The following NCAPH variants were observed in gnomAD, a reference collection of about 807,000 sequenced individuals.
NCAPH encodes the protein condensin complex subunit 2.
A neutral mutation model predicts 85.5 loss-of-function variants in NCAPH; 38 were observed. The ratio of observed to expected loss-of-function variants is 0.44; its 90% confidence interval spans 0.34 to 0.58. The LOEUF (loss-of-function observed/expected upper bound fraction) is 0.58. Ranked by LOEUF, NCAPH falls within the 20% of genes least tolerant of loss-of-function variation. The pLI, the probability that NCAPH is intolerant of heterozygous loss-of-function variation, is 0.01. For missense variants in NCAPH, 789 were observed against 916.6 expected, an observed-to-expected ratio of 0.86 and a Z score of 1.80; for synonymous variants, 301 against 335.1, an observed-to-expected ratio of 0.90 and a Z score of 1.11.
chr2:96,349,656 T>C (rs980389876), intron 6 of NCAPH, among the ~76,000 whole-genome samples: 18 of 152,216 alleles, frequency 1.2e-4, no homozygotes, highest in South Asian at 8.3e-4. Flanking sequence ...CACTTGGGAT[T>C]ACAGGTGTAA....
At chr2:96,360,053 G>A in intron 10 of NCAPH, 90 bp from the exon 11 acceptor site, 3 of 763,606 alleles carry the variant, frequency 3.9e-6, no homozygotes, top group Non-Finnish European at 6.8e-6. Context: ...GTTTTGATAA[G>A]CCTTGATAAG....
At chr2:96,359,992 G>C in intron 10 of NCAPH, 151 bp from the exon 11 acceptor site, 1 of 568,270 alleles carries the variant, frequency 1.8e-6, no homozygotes, top group Non-Finnish European at 3.2e-6. Flanking sequence ...AAGAGGGTGT[G>C]TGATTGAGCA....
Position 96,353,417 on chromosome 2 carries a change from G to A in NCAPH, c.1002+20G>A. The A allele has an allele frequency of 6.2e-7, 1 of 1,604,752 alleles. No homozygotes were observed. Among genetic ancestry groups the A allele is most frequent in the Non-Finnish European group, 8.5e-7 (1 of 1,171,516 alleles). On this transcript the variant is annotated intron_variant, in intron 8 of 17. Coordinates refer to ENST00000240423, the MANE Select transcript of NCAPH (RefSeq NM_015341.5). ...AATGAGGTGTGGTCAAGTTTTAGTG[G>A]CTCATGGTTTCAGTTAGTTGGCTCA...
chr2:96,358,972 C>G lies in NCAPH; in HGVS notation c.1209-73C>G. The G allele has an allele frequency of 4.2e-6, 6 of 1,415,736 alleles. 1 individual carries two copies. In the South Asian group the frequency reaches 8.3e-5, roughly 20 times the overall value. The allele number at this position is 1,415,736 out of a possible 1,614,324, so 87.7% of individuals were successfully genotyped here. A position where few individuals can be genotyped will look rare whatever the true frequency, so the allele number is the denominator to read the frequency against. On this transcript the variant is annotated intron_variant, in intron 9 of 17. Coordinates refer to ENST00000240423, the MANE Select transcript of NCAPH (RefSeq NM_015341.5). ...GACTCACAGAAATGCAGCTCATTTG[C>G]GGACATATGCTTCATATGTAAATAC...
chr2:96,347,066 G>A (rs2064371461), intron 6 of NCAPH, among the ~76,000 whole-genome samples: 1 of 152,196 alleles, frequency 6.6e-6, no homozygotes, highest in Admixed American at 6.5e-5. Context: ...CTGCAACACA[G>A]ATGGGCAGAC....
chr2:96,352,090 TACA>T, intron 7 of NCAPH, 70 bp downstream of exon 7: 1 of 1,407,840 alleles, frequency 7.1e-7, no homozygotes, highest in Non-Finnish European at 9.8e-7. Flanking sequence ...AACCATGGGG[TACA>T]ATAAGCCCAT....
At chr2:96,354,418 T>C (rs1195845256) in intron 9 of NCAPH, 30 bp downstream of exon 9, 12 of 1,450,408 alleles carry the variant, frequency 8.3e-6, no homozygotes, top group East Asian at 5.2e-5. Context: ...AAAGTGTTTC[T>C]ATAGGAGTTT....
At chr2:96,357,187 G>T (rs1221668495) in intron 9 of NCAPH, among the ~76,000 whole-genome samples, 1 of 152,240 alleles carries the variant, frequency 6.6e-6, no homozygotes, top group East Asian at 1.9e-4. Context: ...AGCCAGCTGG[G>T]AGGAGACCTT....
chr2:96,348,635 G>C (rs2064394129), intron 6 of NCAPH, among the ~76,000 whole-genome samples: 1 of 151,420 alleles, frequency 6.6e-6, no homozygotes, highest in Non-Finnish European at 1.5e-5. Flanking sequence ...AGATAATCTG[G>C]AATTTATCTT....
At chr2:96,366,285 G>T (rs1289633057) in intron 14 of NCAPH, among the ~76,000 whole-genome samples, 1 of 152,148 alleles carries the variant, frequency 6.6e-6, no homozygotes, top group Non-Finnish European at 1.5e-5. Flanking sequence ...GGGAGGAACT[G>T]GTCACCCAAA....
chr2:96,349,469 C>T (rs1382752853), intron 6 of NCAPH, among the ~76,000 whole-genome samples: 1 of 152,050 alleles, frequency 6.6e-6, no homozygotes, highest in Non-Finnish European at 1.5e-5. Context: ...GCAACCTCCA[C>T]CTCCTGGGTT....
intron 16 of NCAPH, among the ~76,000 whole-genome samples, 164 bp from the exon 17 acceptor site, chr2:96,369,261 T>C (rs1057214018): frequency 2.6e-5 from 4 of 152,224 alleles, no homozygotes; most frequent in African/African-American, 7.2e-5. Context: ...ACAGGAGATA[T>C]TTTATCTCAA....
intron 6 of NCAPH, among the ~76,000 whole-genome samples, chr2:96,345,249 A>G (rs2064347381): frequency 6.6e-6 from 1 of 152,138 alleles, no homozygotes; most frequent in Non-Finnish European, 1.5e-5. Flanking sequence ...GCCACTAATG[A>G]GCTTGGAGTG....
intron 9 of NCAPH, among the ~76,000 whole-genome samples, 167 bp downstream of exon 9, chr2:96,354,555 G>T (rs928878594): frequency 6.6e-6 from 1 of 151,960 alleles, no homozygotes; most frequent in East Asian, 1.9e-4. Context: ...AACTCTTGGG[G>T]CTCAAGCAAT....
chr2:96,348,282 C>T (rs1368123292), intron 6 of NCAPH, among the ~76,000 whole-genome samples: 8 of 151,486 alleles, frequency 5.3e-5, no homozygotes, highest in East Asian at 3.9e-4. Flanking sequence ...CTCCACCTCC[C>T]GGGTTCACGC....
intron 12 of NCAPH, among the ~76,000 whole-genome samples, chr2:96,361,765 T>TACAC (rs201791742): frequency 1.5e-5 from 2 of 133,760 alleles, no homozygotes; most frequent in South Asian, 2.5e-4. Context: ...TATATATATA[T>TACAC]ATACATATAT....
At chr2:96,371,278 A>G (rs2064769384) in intron 17 of NCAPH, among the ~76,000 whole-genome samples, 1 of 152,088 alleles carries the variant, frequency 6.6e-6, no homozygotes, top group Non-Finnish European at 1.5e-5. Flanking sequence ...CTGGTCTCCT[A>G]GCACATCAGG....
intron 6 of NCAPH, among the ~76,000 whole-genome samples, chr2:96,349,982 A>G (rs2064416084): frequency 6.6e-6 from 1 of 152,238 alleles, no homozygotes. Context: ...AGGCATTGCC[A>G]GGGAGGTGAT....
chr2:96,361,806 G>GTATATATA (rs1220395616), intron 12 of NCAPH, among the ~76,000 whole-genome samples: 11 of 76,760 alleles, frequency 1.4e-4, no homozygotes, highest in African/African-American at 4.6e-4. Flanking sequence ...ATATATATGT[G>GTATATATA]TATATATATA....
Sources: gnomAD v4.1 joint callset for allele counts (sites outside exome capture counted in the v4.1 genomes callset) on GRCh38, gnomAD v4.1.1 for gene constraint, MANE v1.5 for transcripts, NCBI Gene and HGNC (gene_info 2026-07-23, HGNC 2026-07-21) for gene names.